The following PLOD1 variants were observed in gnomAD, a reference collection of about 807,000 sequenced individuals.
PLOD1 encodes procollagen-lysine,2-oxoglutarate 5-dioxygenase 1.
PLOD1 carries 70 observed loss-of-function variants against 94.7 expected under a neutral mutation model. That is an observed-to-expected ratio of 0.74 (90% CI 0.61 to 0.90). PLOD1 has a LOEUF of 0.90. Ranked by LOEUF, PLOD1 falls within the 40% of genes least tolerant of loss-of-function variation. The probability of loss-of-function intolerance (pLI) is 0.00; values close to 1 mark genes in which losing one functional copy is unlikely to be tolerated. For synonymous variants in PLOD1, 417 were observed against 400.2 expected (o/e 1.04, Z -0.50); for missense variants, 905 against 972.7 (o/e 0.93, Z 0.93).
intron 16 of PLOD1, among the ~76,000 whole-genome samples, chr1:11,970,302 G>T (rs1344420262): frequency 6.6e-6 from 1 of 152,052 alleles, no homozygotes; most frequent in East Asian, 1.9e-4. Context: ...GCGTGATGGT[G>T]CGTGCCTGTA....
At chr1:11,956,530 C>G (rs1645738858) in intron 6 of PLOD1, among the ~76,000 whole-genome samples, 2 of 152,182 alleles carry the variant, frequency 1.3e-5, no homozygotes, top group South Asian at 4.1e-4. Flanking sequence ...GCTGCTCTGC[C>G]TACTCAGAGA....
At chr1:11,960,224 C>T (rs549331418) in intron 9 of PLOD1, among the ~76,000 whole-genome samples, 26 of 152,348 alleles carry the variant, frequency 1.7e-4, no homozygotes, top group African/African-American at 5.5e-4. Flanking sequence ...CCCGCCTCGG[C>T]CTCCCAAAGT....
At chr1:11,962,121 G>T (rs1437375676) in intron 10 of PLOD1, among the ~76,000 whole-genome samples, 2 of 151,782 alleles carry the variant, frequency 1.3e-5, no homozygotes, top group East Asian at 3.9e-4. Context: ...GTAGAGACAG[G>T]ATCTTGCTAT....
intron 1 of PLOD1, among the ~76,000 whole-genome samples, chr1:11,937,703 A>G (rs1645589322): frequency 6.6e-6 from 1 of 152,178 alleles, no homozygotes; most frequent in Admixed American, 6.6e-5. Context: ...AGGAGGGCAG[A>G]GCAGATCCAA....
chr1:11,945,155 C>T (rs944063026), intron 1 of PLOD1, among the ~76,000 whole-genome samples: 1 of 152,178 alleles, frequency 6.6e-6, no homozygotes, highest in Non-Finnish European at 1.5e-5. Flanking sequence ...TGTGGTGGCT[C>T]ACGCCTGTAA....
Position 11,969,353 on chromosome 1 carries a change from C to T in PLOD1, c.1756-1317C>T, listed in dbSNP as rs534921408. Among the ~76,000 whole-genome samples, 32 of 152,306 alleles carry T rather than the reference C, an allele frequency of 2.1e-4. No individual in the cohort carries two copies. In the South Asian group the frequency reaches 6.6e-3, roughly 32 times the overall value. ...GTTTAAGGCACCGTTTTTAAAGGCA[C>T]ATGAGACCCTGGACCTGTGTGCCAA... On this transcript the variant is annotated intron_variant, in intron 16 of 18. Coordinates refer to ENST00000196061, the MANE Select transcript of PLOD1 (RefSeq NM_000302.4).
At chr1:11,962,788 C>T (rs1264325098) in intron 10 of PLOD1, among the ~76,000 whole-genome samples, 2 of 152,028 alleles carry the variant, frequency 1.3e-5, no homozygotes, top group Admixed American at 6.6e-5. Context: ...CATCTGTAAT[C>T]CCAGCACTTT....
chr1:11,961,650 T>A (rs955974932), intron 10 of PLOD1, among the ~76,000 whole-genome samples: 4 of 152,168 alleles, frequency 2.6e-5, no homozygotes, highest in African/African-American at 9.7e-5. Flanking sequence ...ACTCTTGTCA[T>A]CCAGGCTGGA....
intron 2 of PLOD1, among the ~76,000 whole-genome samples, chr1:11,948,906 G>T (rs923263447): frequency 2.0e-5 from 3 of 152,182 alleles, no homozygotes; most frequent in Admixed American, 6.6e-5. Context: ...TAGGGTGATG[G>T]ACAATACAGA....
Position 11,973,013 on chromosome 1 carries a change from C to G in PLOD1, c.2028+16C>G, listed in dbSNP as rs760838975. The G allele has an allele frequency of 8.1e-6, 13 of 1,613,528 alleles. No individual in the cohort carries two copies. In the East Asian group the frequency reaches 2.9e-4, roughly 36 times the overall value. The stretch of plus-strand genomic sequence containing the variant: ...GGATTACGAGGTGAGCAGGAGCCAG[C>G]CGGGGTCAAGGGGCCGGCAATGGGG... On this transcript the variant is annotated intron_variant, in intron 18 of 18. Coordinates refer to ENST00000196061, the MANE Select transcript of PLOD1 (RefSeq NM_000302.4).
chr1:11,964,323 T>TGGGGG, intron 12 of PLOD1, 23 bp downstream of exon 12: 1 of 274,728 alleles, frequency 3.6e-6, no homozygotes, highest in Non-Finnish European at 7.3e-6. Context: ...AGGGTGGGGG[T>TGGGGG]GGGTGGGGGA....
intron 1 of PLOD1, among the ~76,000 whole-genome samples, chr1:11,945,255 A>G (rs1340193207): frequency 1.3e-5 from 2 of 152,004 alleles, no homozygotes; most frequent in African/African-American, 2.4e-5. Context: ...CCTCATCTCC[A>G]CTAAAAAATT....
intron 1 of PLOD1, among the ~76,000 whole-genome samples, chr1:11,942,909 G>A (rs1378201568): frequency 3.9e-5 from 6 of 152,182 alleles, no homozygotes; most frequent in Non-Finnish European, 7.3e-5. Flanking sequence ...GGACAATCAC[G>A]TGGGATCCTC....
chr1:11,954,816 C>G lies in PLOD1; in HGVS notation c.580-14C>G. The G allele has an allele frequency of 1.9e-6, 3 of 1,607,792 alleles. No homozygotes were observed. The highest frequency in any genetic ancestry group is 2.6e-6 in the Non-Finnish European group (3 of 1,174,226). ...GCCTGTCCCTGCTGCAGTCTGGTAC[C>G]TTCTTTCCTGCAGGAGCAGATCAAT... On this transcript the variant is annotated splice_polypyrimidine_tract_variant and intron_variant, in intron 5 of 18. Transcript: ENST00000196061.
chr1:11,973,753 T>A (rs1645883146), intron 18 of PLOD1, among the ~76,000 whole-genome samples: 1 of 151,966 alleles, frequency 6.6e-6, no homozygotes, highest in Non-Finnish European at 1.5e-5. Flanking sequence ...GCTAATTTTT[T>A]TTCTTGCTTT....
intron 4 of PLOD1, among the ~76,000 whole-genome samples, chr1:11,952,421 T>TC (rs1225124775): frequency 3.3e-5 from 5 of 152,192 alleles, no homozygotes; most frequent in Non-Finnish European, 7.3e-5. Context: ...CATTAGGAAC[T>TC]CATTAATAAG....
chr1:11,952,741 A>G lies in PLOD1; in HGVS notation c.579+6A>G. ...TCTTGGACCCGGAGAAGAGGGTAAG[A>G]GGCAGTGGGCGGGCCAAGGAGAGGG... On this transcript the variant is annotated splice_donor_region_variant and intron_variant, in intron 5 of 18. Transcript: ENST00000196061. The G allele has an allele frequency of 1.2e-6, 2 of 1,601,092 alleles. No individual in the cohort carries two copies. The highest frequency in any genetic ancestry group is 1.7e-6 in the Non-Finnish European group (2 of 1,168,296).
At chr1:11,935,554 C>T (rs893867002) in intron 1 of PLOD1, among the ~76,000 whole-genome samples, 1 of 151,088 alleles carries the variant, frequency 6.6e-6, no homozygotes, top group Non-Finnish European at 1.5e-5. Flanking sequence ...CAGAGTCTTG[C>T]TCTGTCGCCC....
At position 11,958,786 on chromosome 1, in the gene PLOD1, C is replaced by A; in HGVS notation, c.975+139C>A. The A allele has an allele frequency of 1.0e-6, 1 of 984,870 alleles. No homozygotes were observed. Among genetic ancestry groups the A allele is most frequent in the Middle Eastern group, 2.0e-4 (1 of 4,914 alleles). The allele number at this position is 984,870 out of a possible 1,614,324, so 61.0% of individuals were successfully genotyped here. Reference sequence around the variant, plus strand: ...TGACAATCACCAGTGGACTGTGTCCCCAAATCACTGAGTTAACTTTGGAGT... The same window carrying A: ...TGACAATCACCAGTGGACTGTGTCCACAAATCACTGAGTTAACTTTGGAGT... On this transcript the variant is annotated intron_variant, in intron 9 of 18. Transcript: ENST00000196061. The surrounding 1 kb of genome is among the most constrained non-coding windows in gnomAD (Gnocchi z 4.3).
Sources: gnomAD v4.1 joint callset for allele counts (sites outside exome capture counted in the v4.1 genomes callset) on GRCh38, gnomAD v4.1.1 for gene constraint, Gnocchi (gnomAD v3.1) non-coding constraint, MANE v1.5 for transcripts, NCBI Gene and HGNC (gene_info 2026-07-23, HGNC 2026-07-21) for gene names.